CCDC87: variants seen among roughly 807,000 people sequenced by gnomAD.
The protein encoded by CCDC87 is coiled-coil domain-containing protein 87.
For missense variants in CCDC87, 1,072 were observed against 1,041.7 expected, an observed-to-expected ratio of 1.03 and a Z score of -0.40; for synonymous variants, 434 against 440.2, an observed-to-expected ratio of 0.99 and a Z score of 0.18.
rs1200963624 is a variant in CCDC87, at chr11:66,591,557, C to G, written c.1459G>C (p.Val487Leu). Residue 487 changes from valine to leucine, a missense_variant, in exon 1 of 1, where the codon GTT becomes CTT. Coordinates refer to ENST00000333861, the MANE Select transcript of CCDC87 (RefSeq NM_018219.3). ...AIEKMDIDNF[V>L]GSTTREVYKE... ...TAGACCTCCCTGGTAGTACTGCCAA[C>G]AAAGTTATCAATATCCATTTTTTCA... 1 of 1,614,190 alleles carries G rather than the reference C, an allele frequency of 6.2e-7. No homozygotes were observed. The highest frequency in any genetic ancestry group is 8.5e-7 in the Non-Finnish European group (1 of 1,180,034).
chr11:66,590,864 C>A lies in CCDC87; in HGVS notation c.2152G>T (p.Val718Leu). 6.2e-7 allele frequency: 1 copy of A among 1,613,988 alleles called. No homozygotes were observed. Residue 718 changes from valine (V) to leucine (L), a missense_variant, in exon 1 of 1, where the codon GTG (valine) becomes TTG (leucine). Physicochemically the swap from Val to Leu is conservative, Grantham distance 32. Transcript: ENST00000333861. ...KARLRQLPSL[V>L]NAWERALKPI... ...TTCAGGGCCCGCTCCCAGGCATTCACCAATGAAGGCAGCTGCCTCAGGCGG... is the reference window on the plus strand; with the variant it reads ...TTCAGGGCCCGCTCCCAGGCATTCAACAATGAAGGCAGCTGCCTCAGGCGG...
Position 66,591,973 on chromosome 11 carries a change from A to AGG in CCDC87, c.1042_1043insCC (p.Leu348ProfsTer2), listed in dbSNP as rs1200282993. 1 of 1,613,762 alleles carries AGG rather than the reference A, an allele frequency of 6.2e-7. No individual in the cohort carries two copies. Among genetic ancestry groups the AGG allele is most frequent in the Non-Finnish European group, 8.5e-7 (1 of 1,180,034 alleles). On this transcript the variant is annotated frameshift_variant, in exon 1 of 1. Coordinates refer to ENST00000333861, the MANE Select transcript of CCDC87 (RefSeq NM_018219.3). LOFTEE classifies it low-confidence loss of function (END_TRUNC). ...ATCCTCAGCCACGATGAGCCCAGTCAGCTCTGGTTTGCTCTCTGTAGCCAA... is the reference window on the plus strand; with the variant it reads ...ATCCTCAGCCACGATGAGCCCAGTCAGGGCTCTGGTTTGCTCTCTGTAGCCAA...
In CCDC87 at chr11:66,593,002, G is replaced by A. The variant is rs775696534; in HGVS notation, c.14C>T (p.Pro5Leu). 6.6e-7 allele frequency: 1 copy of A among 1,512,944 alleles called. No homozygotes were observed. The highest frequency in any genetic ancestry group is 8.8e-7 in the Non-Finnish European group (1 of 1,133,308). The allele number at this position is 1,512,944 out of a possible 1,614,324, so 93.7% of individuals were successfully genotyped here. A position where few individuals can be genotyped will look rare whatever the true frequency, so the allele number is the denominator to read the frequency against. ...CCGCTGGAGCTCAGGCTCGGGCTTCGGGGGCTCCATCATAGAGCCGGCGGC... is the reference window on the plus strand; with the variant it reads ...CCGCTGGAGCTCAGGCTCGGGCTTCAGGGGCTCCATCATAGAGCCGGCGGC... MMEP[P>L]KPEPELQRFY... The change falls in exon 1 of 1, where the codon CCG becomes CTG. Residue 5 changes from proline to leucine, a missense_variant. Coordinates refer to ENST00000333861, the MANE Select transcript of CCDC87 (RefSeq NM_018219.3).
rs146402060 is a variant in CCDC87, at chr11:66,591,363, C to A, written c.1653G>T (p.Gln551His). ...TATTGGACTGTAAAGTGTTTGCTCT[C>A]TGGGAGTAAAGTCCAACCAGCTCAG... ...INPELVGLYS[Q>H]RANTLQSNTK... Residue 551 changes from glutamine to histidine, a missense_variant, in exon 1 of 1, where the codon CAG becomes CAT. By Grantham distance (24) the Gln-to-His change is conservative (BLOSUM62 0). Transcript: ENST00000333861. 1.4e-5 allele frequency: 23 copies of A among 1,614,144 alleles called. No individual in the cohort carries two copies. The African/African-American group carries it at 3.1e-4, about 22-fold the overall frequency.
rs1216727290 is a variant in CCDC87 at position 66,592,290 on chromosome 11, C to T, written c.726G>A (p.Glu242=). The T allele has an allele frequency of 6.2e-7, 1 of 1,614,206 alleles. No homozygotes were observed. Among genetic ancestry groups the T allele is most frequent in the Non-Finnish European group, 8.5e-7 (1 of 1,180,042 alleles). The change falls in exon 1 of 1, where the codon GAG becomes GAA. Residue 242 remains glutamate (E), a synonymous_variant. Coordinates refer to ENST00000333861, the MANE Select transcript of CCDC87 (RefSeq NM_018219.3). ...CCTTCACTGGATCCATCCTTCCTGGCTCATTGAGAAACTCTGGTGGACGGC... is the reference window on the plus strand; with the variant it reads ...CCTTCACTGGATCCATCCTTCCTGGTTCATTGAGAAACTCTGGTGGACGGC... ...QLSRPPEFLN[E]PGRMDPVKEL...
Position 66,591,989 on chromosome 11 carries a change from C to T in CCDC87, c.1027G>A (p.Glu343Lys), listed in dbSNP as rs1266804771. The T allele has an allele frequency of 6.2e-7, 1 of 1,613,910 alleles. No individual in the cohort carries two copies. Among genetic ancestry groups the T allele is most frequent in the South Asian group, 1.1e-5 (1 of 91,080 alleles). ...RPLTPLVLATESKPELTGLIV... is the reference protein window; with the variant it reads ...RPLTPLVLATKSKPELTGLIV... Reference sequence around the variant, plus strand: ...AGCCCAGTCAGCTCTGGTTTGCTCTCTGTAGCCAAGACCAGCGGGGTTAAG... The same window carrying T: ...AGCCCAGTCAGCTCTGGTTTGCTCTTTGTAGCCAAGACCAGCGGGGTTAAG... Residue 343 changes from glutamate (E) to lysine (K), a missense_variant, in exon 1 of 1, where the codon GAG becomes AAG. By Grantham distance (56) the Glu-to-Lys change is moderately conservative. Coordinates refer to ENST00000333861, the MANE Select transcript of CCDC87 (RefSeq NM_018219.3).
At position 66,592,005 on chromosome 11, in the gene CCDC87, C is replaced by T. The variant is rs371597673; in HGVS notation, c.1011G>A (p.Pro337=). Residue 337 remains proline, a synonymous_variant, in exon 1 of 1, where the codon CCG becomes CCA. Coordinates refer to ENST00000333861, the MANE Select transcript of CCDC87 (RefSeq NM_018219.3). The part of the protein sequence containing the change: ...LPPLPSRPLT[P]LVLATESKPE... The stretch of plus-strand genomic sequence containing the variant: ...GTTTGCTCTCTGTAGCCAAGACCAG[C>T]GGGGTTAAGGGGCGAGATGGGAGTG... 1.7e-5 allele frequency: 27 copies of T among 1,613,770 alleles called. No individual in the cohort carries two copies. Among genetic ancestry groups the T allele is most frequent in the East Asian group, 1.1e-4 (5 of 44,894 alleles).
rs1041453914 is a variant in CCDC87, at chr11:66,592,966, C to G, written c.50G>C (p.Arg17Pro). The G allele has an allele frequency of 4.0e-6, 6 of 1,517,192 alleles. No homozygotes were observed. Among genetic ancestry groups the G allele is most frequent in the Non-Finnish European group, 5.3e-6 (6 of 1,135,608 alleles). 94.0% of individuals were successfully genotyped at this position (1,517,192 alleles called of 1,614,324 possible). A position where few individuals can be genotyped will look rare whatever the true frequency, so the allele number is the denominator to read the frequency against. ...GAAGAGCGACAGCGGACGCAGCAGC[C>G]GGTGGTAAAACCGCTGGAGCTCAGG... The part of the protein sequence containing the change: ...PEPELQRFYH[R>P]LLRPLSLFPT... Residue 17 changes from arginine to proline, a missense_variant, in exon 1 of 1, where the codon CGG becomes CCG. Arg to Pro is a moderately radical substitution (Grantham distance 103). Transcript: ENST00000333861.
chr11:66,592,690 T>C lies in CCDC87; in HGVS notation c.326A>G (p.Asn109Ser). Residue 109 changes from asparagine to serine, a missense_variant, in exon 1 of 1, where the codon AAC becomes AGC. Transcript: ENST00000333861. ...CTCGAGCCGCTTCCGCAGCTTCTGG[T>C]TGTTTTTGTGGCTCAGACTAAGTTC... ...PAELSLSHKN[N>S]QKLRKRLEAY... 6.2e-7 allele frequency: 1 copy of C among 1,614,100 alleles called. No individual in the cohort carries two copies. Among genetic ancestry groups the C allele is most frequent in the Non-Finnish European group, 8.5e-7 (1 of 1,180,030 alleles).
chr11:66,591,905 A>AGC lies in CCDC87; in HGVS notation c.1109_1110dup (p.Tyr371AlafsTer16). Reference sequence around the variant, plus strand: ...GGCAGGCCTGAGTCCAGTGGTGGGTAGCGAGTCCCCTCCAACTTCATCTTC... The same window carrying AGC: ...GGCAGGCCTGAGTCCAGTGGTGGGTAGCGCGAGTCCCCTCCAACTTCATCTTC... On this transcript the variant is annotated frameshift_variant, in exon 1 of 1. Coordinates refer to ENST00000333861, the MANE Select transcript of CCDC87 (RefSeq NM_018219.3). LOFTEE classifies it low-confidence loss of function (END_TRUNC). 6.2e-7 allele frequency: 1 copy of AGC among 1,613,924 alleles called. No individual in the cohort carries two copies. Among genetic ancestry groups the AGC allele is most frequent in the Non-Finnish European group, 8.5e-7 (1 of 1,180,014 alleles).
rs1384939933 is a variant in CCDC87 at position 66,592,670 on chromosome 11, G to A, written c.346C>T (p.Leu116Phe). The change falls in exon 1 of 1, where the codon CTC (leucine) becomes TTC (phenylalanine). Residue 116 changes from leucine (L) to phenylalanine (F), a missense_variant. By Grantham distance (22) the Leu-to-Phe change is conservative (BLOSUM62 0). Transcript: ENST00000333861. The stretch of plus-strand genomic sequence containing the variant: ...CTGCTCAGCAGCACGTAGGCCTCGA[G>A]CCGCTTCCGCAGCTTCTGGTTGTTT... ...HKNNQKLRKR[L>F]EAYVLLSSEQ... is the part of the protein sequence containing the mutation. 5 of 1,614,070 alleles carry A rather than the reference G, an allele frequency of 3.1e-6. No homozygotes were observed. Among genetic ancestry groups the A allele is most frequent in the Middle Eastern group, 1.6e-4 (1 of 6,062 alleles).
chr11:66,591,546 A>G lies in CCDC87; in HGVS notation c.1470T>C (p.Thr490=), dbSNP rs1262819396. The change falls in exon 1 of 1, where the codon ACT becomes ACC. Residue 490 remains threonine, a synonymous_variant. Coordinates refer to ENST00000333861, the MANE Select transcript of CCDC87 (RefSeq NM_018219.3). Reference sequence around the variant, plus strand: ...TCAACTCCTTGTAGACCTCCCTGGTAGTACTGCCAACAAAGTTATCAATAT... The same window carrying G: ...TCAACTCCTTGTAGACCTCCCTGGTGGTACTGCCAACAAAGTTATCAATAT... ...KMDIDNFVGS[T]TREVYKELMS... 26 of 1,614,102 alleles carry G rather than the reference A, an allele frequency of 1.6e-5. No homozygotes were observed. Among genetic ancestry groups the G allele is most frequent in the African/African-American group, 8.0e-5 (6 of 74,930 alleles).
Position 66,591,680 on chromosome 11 carries a change from C to T in CCDC87, c.1336G>A (p.Val446Ile), listed in dbSNP as rs370489699. 49 of 1,613,646 alleles carry T rather than the reference C, an allele frequency of 3.0e-5. No homozygotes were observed. The East Asian group carries it at 5.3e-4, about 18-fold the overall frequency. ...AAGAAGTTTCTATCAGAGACCCGTA[C>T]GGCAGCCGCCTGGACCACGACCTCA... Reference protein sequence around the residue: ...RNEVVVQAAAVRVSDRNFLDS... With the variant: ...RNEVVVQAAAIRVSDRNFLDS... Residue 446 changes from valine to isoleucine, a missense_variant, in exon 1 of 1, where the codon GTA (valine) becomes ATA (isoleucine). Val to Ile is a conservative substitution (Grantham distance 29). Coordinates refer to ENST00000333861, the MANE Select transcript of CCDC87 (RefSeq NM_018219.3).
At position 66,592,640 on chromosome 11, in the gene CCDC87, G is replaced by A. The variant is rs762491237; in HGVS notation, c.376C>T (p.Gln126Ter). Residue 126 changes from glutamine (Q) to a stop codon, truncating the protein, a stop_gained, in exon 1 of 1, where the codon CAG (glutamine) becomes TAG (stop). Transcript: ENST00000333861. LOFTEE classifies it low-confidence loss of function (END_TRUNC). ...AGGTGCAGGTAGCGCAAGAAGAGCT[G>A]CTCGCTGCTCAGCAGCACGTAGGCC... Reference protein sequence around the residue: ...LEAYVLLSSEQLFLRYLHLLV... With the variant: ...LEAYVLLSSE 6.2e-7 allele frequency: 1 copy of A among 1,613,826 alleles called. No homozygotes were observed. The highest frequency in any genetic ancestry group is 1.1e-5 in the South Asian group (1 of 91,086).
Position 66,591,005 on chromosome 11 carries a change from GGT to G in CCDC87, c.2009_2010del (p.His670ProfsTer22). On this transcript the variant is annotated frameshift_variant, in exon 1 of 1. Transcript: ENST00000333861. LOFTEE classifies it low-confidence loss of function (END_TRUNC). ...EHRLGAGKTP[H>X]LGEPHKILSL... ...CTCAGAATTTTGTGGGGTTCTCCCAGGTGGGGTGTCTTCCCAGCTCCTAGCCT... is the reference window on the plus strand; with the variant it reads ...CTCAGAATTTTGTGGGGTTCTCCCAGGGGGTGTCTTCCCAGCTCCTAGCCT... 2 of 1,614,002 alleles carry G rather than the reference GGT, an allele frequency of 1.2e-6. No homozygotes were observed. The highest frequency in any genetic ancestry group is 1.7e-6 in the Non-Finnish European group (2 of 1,180,044).
chr11:66,592,954 G>A lies in CCDC87; in HGVS notation c.62C>T (p.Pro21Leu), dbSNP rs750345118. 5 of 1,517,762 alleles carry A rather than the reference G, an allele frequency of 3.3e-6. No homozygotes were observed. The highest frequency in any genetic ancestry group is 4.4e-6 in the Non-Finnish European group (5 of 1,135,678). The allele number at this position is 1,517,762 out of a possible 1,614,324, so 94.0% of individuals were successfully genotyped here. The change falls in exon 1 of 1, where the codon CCG becomes CTG. Residue 21 changes from proline to leucine, a missense_variant. Physicochemically the swap from Pro to Leu is moderately conservative, Grantham distance 98. Transcript: ENST00000333861. ...CGTCCTAGTGGGGAAGAGCGACAGCGGACGCAGCAGCCGGTGGTAAAACCG... is the reference window on the plus strand; with the variant it reads ...CGTCCTAGTGGGGAAGAGCGACAGCAGACGCAGCAGCCGGTGGTAAAACCG... Reference protein sequence around the residue: ...LQRFYHRLLRPLSLFPTRTTS... With the variant: ...LQRFYHRLLRLLSLFPTRTTS...
chr11:66,590,819 C>T lies in CCDC87; in HGVS notation c.2197G>A (p.Ala733Thr). 1.2e-6 allele frequency: 2 copies of T among 1,613,632 alleles called. No homozygotes were observed. Among genetic ancestry groups the T allele is most frequent in the Non-Finnish European group, 1.7e-6 (2 of 1,180,044 alleles). The change falls in exon 1 of 1, where the codon GCA (alanine) becomes ACA (threonine). Residue 733 changes from alanine to threonine, a missense_variant. Ala to Thr is a moderately conservative substitution (Grantham distance 58, BLOSUM62 0). Transcript: ENST00000333861. ...RALKPIQLRE[A>T]LLARLEWFEG... The stretch of plus-strand genomic sequence containing the variant: ...AACCACTCTAGTCTCGCCAGCAATG[C>T]CTCCCGCAGCTGAATGGGCTTCAGG...
In CCDC87 at chr11:66,593,052, C is replaced by CGAGGGGTTACT; in HGVS notation, c.-48_-38dup. The CGAGGGGTTACT allele has an allele frequency of 6.7e-7, 1 of 1,500,264 alleles. No homozygotes were observed. Among genetic ancestry groups the CGAGGGGTTACT allele is most frequent in the South Asian group, 1.3e-5 (1 of 74,546 alleles). 92.9% of individuals were successfully genotyped at this position (1,500,264 alleles called of 1,614,324 possible). ...CCGCCACCGTCCAGGAACAGAAAGC[C>CGAGGGGTTACT]GAGGGGTTACTAAGGCAACCAGGAG... On this transcript the variant is annotated 5_prime_UTR_variant, in exon 1 of 1. Coordinates refer to ENST00000333861, the MANE Select transcript of CCDC87 (RefSeq NM_018219.3).
chr11:66,591,912 C>T lies in CCDC87; in HGVS notation c.1104G>A (p.Gly368=), dbSNP rs1444094157. Reference sequence around the variant, plus strand: ...CTGAGTCCAGTGGTGGGTAGCGAGTCCCCTCCAACTTCATCTTCTTTATCA... The same window carrying T: ...CTGAGTCCAGTGGTGGGTAGCGAGTTCCCTCCAACTTCATCTTCTTTATCA... The part of the protein sequence containing the change: ...KQLIKKMKLE[G]TRYPPLDSGL... The change falls in exon 1 of 1, where the codon GGG becomes GGA. Residue 368 remains glycine, a synonymous_variant. Coordinates refer to ENST00000333861, the MANE Select transcript of CCDC87 (RefSeq NM_018219.3). 6.2e-7 allele frequency: 1 copy of T among 1,613,804 alleles called. No homozygotes were observed. The highest frequency in any genetic ancestry group is 1.3e-5 in the African/African-American group (1 of 74,936).
Sources: allele counts gnomAD v4.1 joint callset, GRCh38; gene constraint gnomAD v4.1.1; transcripts MANE v1.5; gene names NCBI Gene and HGNC (gene_info 2026-07-23, HGNC 2026-07-21).